Variants in VOPP1 observed in about 807,000 individuals in gnomAD.
The protein encoded by VOPP1 is VOPP1 WW domain binding protein, also known as WW domain binding protein VOPP1.
Under a neutral mutation model 23.5 loss-of-function variants are expected in VOPP1, and 8 were observed. The observed-to-expected ratio is 0.34, with a 90% CI of 0.20 to 0.61. The LOEUF is 0.61. Ranked by LOEUF, VOPP1 falls within the 20% of genes least tolerant of loss-of-function variation. VOPP1 has a pLI of 0.78. For missense variants in VOPP1, 174 were observed against 238.1 expected, an observed-to-expected ratio of 0.73 and a Z score of 1.77; for synonymous variants, 83 against 97.3, an observed-to-expected ratio of 0.85 and a Z score of 0.86.
intron 4 of VOPP1, among the ~76,000 whole-genome samples, chr7:55,479,507 G>A (rs887287795): frequency 9.2e-5 from 14 of 152,120 alleles, no homozygotes; most frequent in Admixed American, 3.3e-4. Flanking sequence ...AAATATTTCT[G>A]AGCTCATTCT....
chr7:55,494,187 A>G (rs1354868584), intron 3 of VOPP1, among the ~76,000 whole-genome samples: 1 of 152,094 alleles, frequency 6.6e-6, no homozygotes, highest in Non-Finnish European at 1.5e-5. Flanking sequence ...CATCAAGAAC[A>G]CTCACTAAGT....
intron 4 of VOPP1, among the ~76,000 whole-genome samples, chr7:55,478,096 T>C (rs1283958848): frequency 6.6e-6 from 1 of 151,806 alleles, no homozygotes; most frequent in Non-Finnish European, 1.5e-5. Context: ...AGAGACTCAT[T>C]TAGGAAAGAG....
intron 2 of VOPP1, among the ~76,000 whole-genome samples, chr7:55,509,472 G>C (rs941502258): frequency 6.6e-6 from 1 of 152,120 alleles, no homozygotes; most frequent in South Asian, 2.1e-4. Context: ...TCCCATTCAC[G>C]AGGACAGAGC....
At chr7:55,562,321 A>C (rs1798017061) in intron 1 of VOPP1, among the ~76,000 whole-genome samples, 1 of 151,858 alleles carries the variant, frequency 6.6e-6, no homozygotes, top group Non-Finnish European at 1.5e-5. Flanking sequence ...GTTTACAGTC[A>C]CCCTTCTCTC....
intron 1 of VOPP1, among the ~76,000 whole-genome samples, chr7:55,549,032 G>C (rs1214097929): frequency 6.6e-6 from 1 of 152,148 alleles, no homozygotes; most frequent in African/African-American, 2.4e-5. Flanking sequence ...CATGGAAGTT[G>C]GGAGATTTAA....
chr7:55,542,031 T>C (rs907080924), intron 1 of VOPP1, among the ~76,000 whole-genome samples: 4 of 152,216 alleles, frequency 2.6e-5, no homozygotes, highest in Non-Finnish European at 4.4e-5. Context: ...AATTAAATCA[T>C]ACAATATAGA....
chr7:55,547,003 C>T (rs1797393061), intron 1 of VOPP1, among the ~76,000 whole-genome samples: 1 of 152,268 alleles, frequency 6.6e-6, no homozygotes, highest in African/African-American at 2.4e-5. Flanking sequence ...CTCAGCAACA[C>T]AGCTCTCTCG....
chr7:55,498,671 T>G (rs901060028), intron 2 of VOPP1, among the ~76,000 whole-genome samples: 1 of 152,180 alleles, frequency 6.6e-6, no homozygotes, highest in African/African-American at 2.4e-5. Flanking sequence ...TTCCTGCCAG[T>G]TTTTTTCCTT....
At chr7:55,478,266 T>G (rs1478346021) in intron 4 of VOPP1, among the ~76,000 whole-genome samples, 1 of 152,110 alleles carries the variant, frequency 6.6e-6, no homozygotes, top group Non-Finnish European at 1.5e-5. Context: ...CACCTTAAAG[T>G]CATAACCTCA....
At chr7:55,561,048 C>T (rs986852334) in intron 1 of VOPP1, among the ~76,000 whole-genome samples, 5 of 152,076 alleles carry the variant, frequency 3.3e-5, no homozygotes, top group East Asian at 1.9e-4. Context: ...CAAGACTGCC[C>T]GAAATGCTCA....
At chr7:55,497,980 A>G (rs1011326992) in intron 2 of VOPP1, among the ~76,000 whole-genome samples, 1 of 152,220 alleles carries the variant, frequency 6.6e-6, no homozygotes, top group Non-Finnish European at 1.5e-5. Flanking sequence ...GAGGTGGCAC[A>G]ACCAAAGACA....
chr7:55,563,012 G>T (rs140870736), intron 1 of VOPP1, among the ~76,000 whole-genome samples: 1 of 151,866 alleles, frequency 6.6e-6, no homozygotes, highest in East Asian at 1.9e-4. Context: ...AAATATCCTC[G>T]TCCATCTCAC....
At chr7:55,462,665 T>TCTG (rs1388884779) in intron 4 of VOPP1, among the ~76,000 whole-genome samples, 2 of 148,756 alleles carry the variant, frequency 1.3e-5, no homozygotes, top group Admixed American at 6.7e-5. Flanking sequence ...ATTTTTTTTT[T>TCTG]TTTTTTTTGA....
chr7:55,558,889 G>C (rs1394316185), intron 1 of VOPP1, among the ~76,000 whole-genome samples: 1 of 152,162 alleles, frequency 6.6e-6, no homozygotes, highest in Non-Finnish European at 1.5e-5. Flanking sequence ...ACGCAGAGTT[G>C]CTAAAAACCA....
chr7:55,500,082 G>A (rs921407708), intron 2 of VOPP1, among the ~76,000 whole-genome samples: 3 of 152,224 alleles, frequency 2.0e-5, no homozygotes, highest in African/African-American at 4.8e-5. Context: ...AAAGACAGGC[G>A]TCCTCAGCAC....
At chr7:55,493,653 C>T (rs1461188410) in intron 3 of VOPP1, among the ~76,000 whole-genome samples, 1 of 152,156 alleles carries the variant, frequency 6.6e-6, no homozygotes, top group Non-Finnish European at 1.5e-5. Flanking sequence ...CTGCTATGCC[C>T]TGTCACCATA....
chr7:55,451,409 T>A (rs1032473010), intron 4 of VOPP1, among the ~76,000 whole-genome samples: 1 of 152,240 alleles, frequency 6.6e-6, no homozygotes, highest in Non-Finnish European at 1.5e-5. Flanking sequence ...GCCCACTACA[T>A]ATAGAAGTTG....
At chr7:55,536,775 G>A (rs1347646968) in intron 1 of VOPP1, among the ~76,000 whole-genome samples, 3 of 152,316 alleles carry the variant, frequency 2.0e-5, no homozygotes, top group Middle Eastern at 3.4e-3. Context: ...CAGGGGCGGC[G>A]TGCTGATCCT....
Position 55,523,916 on chromosome 7 carries a change from G to GT in VOPP1, c.55-2787dup, listed in dbSNP as rs1454700920. Among the ~76,000 whole-genome samples, 12 of 152,310 alleles carry GT rather than the reference G, an allele frequency of 7.9e-5. No homozygotes were observed. The South Asian group carries it at 1.2e-3, about 16-fold the overall frequency. ...TTTTATGTAGTTTGACTTTTGAAAT[G>GT]TTTTTTCAGATAATAAAGTAGAAAG... On this transcript the variant is annotated intron_variant, in intron 1 of 4. Coordinates refer to ENST00000285279, the MANE Select transcript of VOPP1 (RefSeq NM_030796.5).
Sources: gnomAD v4.1 joint callset for allele counts (sites outside exome capture counted in the v4.1 genomes callset) on GRCh38, gnomAD v4.1.1 for gene constraint, MANE v1.5 for transcripts, NCBI Gene and HGNC (gene_info 2026-07-23, HGNC 2026-07-21) for gene names.